Variants in RARB observed in about 807,000 individuals in gnomAD.
RARB encodes retinoic acid receptor beta, also known as HBV-activated protein.
In RARB, 17 loss-of-function variants were observed where a neutral mutation model predicts 51.9. The observed-to-expected ratio is 0.33, with a 90% CI of 0.22 to 0.49. The LOEUF is 0.49. Among genes scored for constraint, RARB ranks in the 20% least tolerant of loss-of-function variants. The pLI is 0.99. For synonymous variants in RARB, 215 were observed against 195.4 expected (o/e 1.10, Z -0.84); for missense variants, 369 against 550.8 (o/e 0.67, Z 3.30).
intron 2 of RARB, among the ~76,000 whole-genome samples, chr3:24,916,332 C>T (rs1018444619): frequency 1.1e-3 from 169 of 152,194 alleles, no homozygotes; most frequent in African/African-American, 3.7e-3. Flanking sequence ...CTTAAGGCCC[C>T]ACAGAAGGGC....
intron 2 of RARB, among the ~76,000 whole-genome samples, chr3:24,880,047 C>T (rs1430068141): frequency 2.0e-5 from 3 of 152,024 alleles, no homozygotes; most frequent in Non-Finnish European, 2.9e-5. Context: ...CTTAGCTCTA[C>T]GTTCCTGGTT....
intron 2 of RARB, among the ~76,000 whole-genome samples, chr3:24,931,919 T>A (rs1695448002): frequency 6.6e-6 from 1 of 151,888 alleles, no homozygotes; most frequent in Non-Finnish European, 1.5e-5. Context: ...GTTTGGAGAG[T>A]GGTGACTATG....
At chr3:25,071,755 C>T (rs1040574214) in intron 3 of RARB, among the ~76,000 whole-genome samples, 4 of 152,126 alleles carry the variant, frequency 2.6e-5, no homozygotes, top group South Asian at 2.1e-4. Context: ...TAAGGAGAGG[C>T]GCTGCTTAAA....
chr3:25,112,310 C>T (rs990231548), intron 3 of RARB, among the ~76,000 whole-genome samples: 26 of 152,170 alleles, frequency 1.7e-4, no homozygotes, highest in African/African-American at 5.5e-4. Context: ...AATCACAGTA[C>T]AGCAGCGGCA....
At chr3:25,348,442 G>T (rs1705463531) in intron 5 of RARB, among the ~76,000 whole-genome samples, 1 of 132,460 alleles carries the variant, frequency 7.5e-6, no homozygotes, top group Non-Finnish European at 1.6e-5. Context: ...ATTTGCTTAG[G>T]CTTGTTGGCT....
rs528941927 is a variant in RARB, at chr3:25,217,091, C to T, written c.178+42516C>T. ...TGGAAGCAGCCATTGATTCTCAATC[C>T]TTCCTTCATTAGGAGGAAGCGGTGA... On this transcript the variant is annotated intron_variant, in intron 5 of 11. Transcript: ENST00000383772. Among the ~76,000 whole-genome samples, 4 of 152,126 alleles carry T rather than the reference C, an allele frequency of 2.6e-5. 1 individual carries two copies. The South Asian group carries it at 8.3e-4, about 32-fold the overall frequency.
At chr3:25,214,900 C>A (rs950580149) in intron 5 of RARB, among the ~76,000 whole-genome samples, 7 of 152,176 alleles carry the variant, frequency 4.6e-5, no homozygotes, top group African/African-American at 1.7e-4. Flanking sequence ...TCCATTCTTA[C>A]CTCAGGGAAG....
chr3:25,346,026 C>T (rs1305637277), intron 5 of RARB: 5 of 307,320 alleles, frequency 1.6e-5, no homozygotes, highest in Non-Finnish European at 2.4e-5. Flanking sequence ...GTTGACTGAT[C>T]GCCGCTGGGT....
exon 5 of RARB, chr3:25,174,438 A>T (rs768527092): frequency 1.5e-6 from 2 of 1,352,116 alleles, no homozygotes; most frequent in South Asian, 2.3e-5. Flanking sequence ...CCAGCAGTGA[A>T]CGGACACATG....
chr3:25,044,900 T>C (rs74744619), intron 2 of RARB, among the ~76,000 whole-genome samples: 1,814 of 152,260 alleles, frequency 0.012, 37 homozygotes, highest in African/African-American at 0.04. Flanking sequence ...TTAATCTCCA[T>C]TGTTCTCAGT....
intron 2 of RARB, among the ~76,000 whole-genome samples, chr3:25,009,216 AAG>A (rs1697342321): frequency 6.6e-6 from 1 of 152,084 alleles, no homozygotes. Context: ...TATGACTCTT[AAG>A]AGAGAGGCCA....
intron 2 of RARB, among the ~76,000 whole-genome samples, chr3:24,960,909 T>G (rs1696126526): frequency 6.6e-6 from 1 of 152,180 alleles, no homozygotes; most frequent in Non-Finnish European, 1.5e-5. Flanking sequence ...TGACTAGGAA[T>G]GACAGAATGG....
intron 5 of RARB, among the ~76,000 whole-genome samples, chr3:25,414,235 T>G (rs1190266753): frequency 3.3e-5 from 5 of 152,258 alleles, no homozygotes; most frequent in Non-Finnish European, 7.3e-5. Context: ...ATTTATGCTG[T>G]GGCATGTATC....
chr3:25,593,707 G>A lies in RARB; in HGVS notation c.991G>A (p.Asp331Asn), dbSNP rs765012086. Reference sequence around the variant, plus strand: ...CAGTGCCATCTGCTTAATCTGTGGAGGTACCAACTATGTAGAAAAGCCTCA... The same window carrying A: ...CAGTGCCATCTGCTTAATCTGTGGAAGTACCAACTATGTAGAAAAGCCTCA... ...LLSAICLICG[D>N]RQDLEEPTKV... The change falls in exon 6 of 8, where the codon GAC (aspartate) becomes AAC (asparagine). Residue 331 changes from aspartate to asparagine, a missense_variant and splice_region_variant. Asp to Asn is a conservative substitution (Grantham distance 23, BLOSUM62 1). This residue lies in a region of RARB where 76 missense variants were observed against 153.3 expected (regional missense o/e 0.50). Transcript: ENST00000330688. 1 of 1,612,824 alleles carries A rather than the reference G, an allele frequency of 6.2e-7. No individual in the cohort carries two copies.
At chr3:25,541,790 G>C (rs530893692) in intron 3 of RARB, among the ~76,000 whole-genome samples, 105 of 152,232 alleles carry the variant, frequency 6.9e-4, no homozygotes, top group African/African-American at 2.4e-3. Context: ...CTTCGAATTT[G>C]GTCTAGTCTC....
intron 1 of RARB, among the ~76,000 whole-genome samples, chr3:25,460,780 G>T (rs917213290): frequency 6.6e-6 from 1 of 152,154 alleles, no homozygotes; most frequent in African/African-American, 2.4e-5. Flanking sequence ...AGGTCAAGTC[G>T]TTTGAGATTC....
At chr3:25,552,977 C>T (rs962773504) in intron 3 of RARB, among the ~76,000 whole-genome samples, 2 of 151,960 alleles carry the variant, frequency 1.3e-5, no homozygotes, top group Non-Finnish European at 2.9e-5. Context: ...AATGACATAC[C>T]TTTTAAGGTA....
chr3:24,979,109 C>T (rs1443911777), intron 2 of RARB, among the ~76,000 whole-genome samples: 2 of 152,192 alleles, frequency 1.3e-5, no homozygotes, highest in African/African-American at 4.8e-5. Flanking sequence ...GCACTGTGGT[C>T]TGAGAGAAAG....
chr3:25,227,419 T>G (rs7432016), intron 5 of RARB, among the ~76,000 whole-genome samples: 15,754 of 152,204 alleles, frequency 0.1, 1,010 homozygotes, highest in South Asian at 0.26. Flanking sequence ...TTTTGCTAAT[T>G]GTATCTTCCC....
Sources: gnomAD v4.1 joint callset for allele counts (sites outside exome capture counted in the v4.1 genomes callset) on GRCh38, gnomAD v4.1.1 for gene constraint, gnomAD v4.1.1 regional missense constraint, MANE v1.5 for transcripts, NCBI Gene and HGNC (gene_info 2026-07-23, HGNC 2026-07-21) for gene names.